LDLRAD3: variants seen among roughly 807,000 people sequenced by gnomAD.
LDLRAD3 encodes low-density lipoprotein receptor class A domain-containing protein 3.
A neutral mutation model predicts 29.4 loss-of-function variants in LDLRAD3; 20 were observed. That is an observed-to-expected ratio of 0.68 (90% confidence interval 0.48 to 0.99). LDLRAD3 has a LOEUF of 0.99. Among genes scored for constraint, LDLRAD3 ranks in the 50% least tolerant of loss-of-function variants. LDLRAD3 has a pLI of 0.00. For synonymous variants in LDLRAD3, 157 were observed against 192.7 expected (o/e 0.81, Z 1.53); for missense variants, 420 against 454.3 (o/e 0.92, Z 0.69).
intron 4 of LDLRAD3, among the ~76,000 whole-genome samples, chr11:36,174,265 A>G (rs1854639517): frequency 1.3e-5 from 2 of 152,248 alleles, no homozygotes; most frequent in Non-Finnish European, 2.9e-5. Flanking sequence ...AAAACCCCAG[A>G]AGAAAACCTA....
chr11:36,085,031 C>T (rs527892888), intron 3 of LDLRAD3, among the ~76,000 whole-genome samples: 81 of 152,378 alleles, frequency 5.3e-4, no homozygotes, highest in Non-Finnish European at 8.4e-4. Flanking sequence ...TTTGATCACT[C>T]TTTCCTTCAT....
At chr11:36,056,153 G>A (rs774181282) in intron 2 of LDLRAD3, among the ~76,000 whole-genome samples, 3 of 151,800 alleles carry the variant, frequency 2.0e-5, no homozygotes, top group African/African-American at 7.3e-5. Flanking sequence ...GCGCCACTAC[G>A]CCCGGCTAAT....
chr11:35,950,816 A>G (rs1007554055), intron 1 of LDLRAD3, among the ~76,000 whole-genome samples: 34 of 152,114 alleles, frequency 2.2e-4, no homozygotes, highest in East Asian at 9.6e-4. Flanking sequence ...AGGAGCAGTG[A>G]CTCATGCCTG....
intron 1 of LDLRAD3, among the ~76,000 whole-genome samples, chr11:36,011,106 C>T (rs370607545): frequency 2.4e-4 from 36 of 152,280 alleles, no homozygotes; most frequent in East Asian, 1.4e-3. Context: ...CACCCAGCCC[C>T]TCTTAGTAAT....
At chr11:36,014,366 AG>A (rs1475818199) in intron 1 of LDLRAD3, among the ~76,000 whole-genome samples, 2 of 152,240 alleles carry the variant, frequency 1.3e-5, no homozygotes, top group Admixed American at 6.5e-5. Flanking sequence ...TTACCAGCCT[AG>A]GCTTTAATGA....
intron 4 of LDLRAD3, among the ~76,000 whole-genome samples, chr11:36,195,329 T>G (rs1249165196): frequency 6.6e-6 from 1 of 152,192 alleles, no homozygotes; most frequent in Non-Finnish European, 1.5e-5. Context: ...GCATTGCACA[T>G]AAGTCCATGA....
At position 36,046,411 on chromosome 11, in the gene LDLRAD3, A is replaced by G. The variant is rs564353396; in HGVS notation, c.193+10162A>G. On this transcript the variant is annotated intron_variant, in intron 2 of 5. Transcript: ENST00000315571. ...GTCTTTATTAGCAGCATGAGAACAGACTAATACACTGTCCATCCTTGTGTT... is the reference window on the plus strand; with the variant it reads ...GTCTTTATTAGCAGCATGAGAACAGGCTAATACACTGTCCATCCTTGTGTT... Among the ~76,000 whole-genome samples the G allele has an allele frequency of 2.6e-5, 4 of 152,260 alleles. No individual in the cohort carries two copies. The South Asian group carries it at 8.3e-4, about 32-fold the overall frequency.
intron 2 of LDLRAD3, among the ~76,000 whole-genome samples, chr11:36,054,957 G>C (rs1255907154): frequency 1.1e-5 from 1 of 93,078 alleles, no homozygotes; most frequent in Non-Finnish European, 2.1e-5. Flanking sequence ...ATGGATACAC[G>C]GATGGATGGA....
chr11:36,045,863 G>A lies in LDLRAD3; in HGVS notation c.193+9614G>A, dbSNP rs1290444097. Reference sequence around the variant, plus strand: ...GCAGAAAGTGCAGGTGTGTTACATAGGTATACATGTGCCATGGTGGTTTGC... The same window carrying A: ...GCAGAAAGTGCAGGTGTGTTACATAAGTATACATGTGCCATGGTGGTTTGC... On this transcript the variant is annotated intron_variant, in intron 2 of 5. Transcript: ENST00000315571. Among the ~76,000 whole-genome samples the A allele has an allele frequency of 2.0e-5, 3 of 151,992 alleles. No individual in the cohort carries two copies. In the East Asian group the frequency reaches 5.8e-4, roughly 29 times the overall value.
At chr11:36,136,083 T>C (rs989674256) in intron 4 of LDLRAD3, among the ~76,000 whole-genome samples, 6 of 152,210 alleles carry the variant, frequency 3.9e-5, no homozygotes, top group Admixed American at 3.9e-4. Flanking sequence ...AGATATTCCT[T>C]CTATATAACC....
chr11:35,945,990 A>G (rs530060405), intron 1 of LDLRAD3, among the ~76,000 whole-genome samples: 81 of 152,316 alleles, frequency 5.3e-4, no homozygotes, highest in African/African-American at 1.9e-3. Context: ...TGGGCTTTGA[A>G]TTACCTTTAG....
intron 4 of LDLRAD3, among the ~76,000 whole-genome samples, chr11:36,134,144 C>T (rs1257932313): frequency 6.6e-6 from 1 of 152,068 alleles, no homozygotes; most frequent in Non-Finnish European, 1.5e-5. Flanking sequence ...TGCAAGTTAC[C>T]TCCTACAAGG....
chr11:36,032,075 A>G (rs1313497128), intron 1 of LDLRAD3, among the ~76,000 whole-genome samples: 1 of 152,150 alleles, frequency 6.6e-6, no homozygotes, highest in East Asian at 1.9e-4. Flanking sequence ...ATGTCTTCTT[A>G]GAGGGACATC....
intron 4 of LDLRAD3, among the ~76,000 whole-genome samples, chr11:36,106,203 C>G (rs141506387): frequency 2.0e-4 from 30 of 152,266 alleles, no homozygotes; most frequent in South Asian, 6.2e-4. Flanking sequence ...TAGGAGGACA[C>G]CTCCCAGCCT....
At chr11:36,169,717 T>C (rs189771187) in intron 4 of LDLRAD3, among the ~76,000 whole-genome samples, 189 of 152,352 alleles carry the variant, frequency 1.2e-3, no homozygotes, top group Non-Finnish European at 1.3e-3. Flanking sequence ...TGGGCACTTA[T>C]GTTGATTTCG....
At chr11:36,122,577 C>CTAT (rs1241180737) in intron 4 of LDLRAD3, among the ~76,000 whole-genome samples, 1 of 152,096 alleles carries the variant, frequency 6.6e-6, no homozygotes, top group Non-Finnish European at 1.5e-5. Context: ...ATAATAATTA[C>CTAT]TATTATTATT....
chr11:36,068,486 T>C (rs1010065183), intron 2 of LDLRAD3, among the ~76,000 whole-genome samples: 28 of 152,160 alleles, frequency 1.8e-4, no homozygotes, highest in African/African-American at 6.8e-4. Flanking sequence ...TCTCAGTGAT[T>C]ACGTGGTGGA....
intron 4 of LDLRAD3, among the ~76,000 whole-genome samples, chr11:36,103,977 G>A (rs1183976536): frequency 1.1e-4 from 16 of 152,132 alleles, no homozygotes; most frequent in Admixed American, 1.0e-3. Flanking sequence ...TTTGACTATT[G>A]TGAATCATTA....
intron 4 of LDLRAD3, among the ~76,000 whole-genome samples, chr11:36,182,390 A>G (rs748893628): frequency 2.0e-5 from 3 of 152,198 alleles, no homozygotes; most frequent in Non-Finnish European, 4.4e-5. Context: ...CCCGCAAAAA[A>G]AAAGAAAGGT....
Sources: gnomAD v4.1 joint callset for allele counts (sites outside exome capture counted in the v4.1 genomes callset) on GRCh38, gnomAD v4.1.1 for gene constraint, MANE v1.5 for transcripts, NCBI Gene and HGNC (gene_info 2026-07-23, HGNC 2026-07-21) for gene names.